The following LRP1B variants were observed in gnomAD, a reference collection of about 807,000 sequenced individuals.
The protein encoded by LRP1B is LDL receptor related protein 1B, also known as low-density lipoprotein receptor-related protein 1B.
Under a neutral mutation model 556.6 loss-of-function variants are expected in LRP1B, and 217 were observed. That is an observed-to-expected ratio of 0.39 (90% confidence interval 0.35 to 0.44). The LOEUF (loss-of-function observed/expected upper bound fraction) is 0.44, where lower values mean the gene tolerates loss of function less well. LRP1B is among the 20% of genes least tolerant of loss of function. LRP1B has a pLI of 1.00. For missense variants in LRP1B, 5,053 were observed against 5,620.8 expected (o/e 0.90, Z 3.23); for synonymous variants, 2,047 against 1,865.8 (o/e 1.10, Z -2.50).
intron 3 of LRP1B, among the ~76,000 whole-genome samples, chr2:141,423,820 T>A (rs1206895122): frequency 1.1e-5 from 1 of 94,274 alleles, no homozygotes; most frequent in East Asian, 4.2e-4. Context: ...TTTTTCCCTG[T>A]CTATTAAAAA....
intron 3 of LRP1B, among the ~76,000 whole-genome samples, chr2:141,418,673 C>A (rs182772412): frequency 6.6e-6 from 1 of 152,068 alleles, no homozygotes; most frequent in African/African-American, 2.4e-5. Context: ...AATGAAAGTA[C>A]TCCATCTTTG....
intron 3 of LRP1B, among the ~76,000 whole-genome samples, chr2:141,391,252 T>G (rs1221378947): frequency 6.6e-6 from 1 of 152,240 alleles, no homozygotes; most frequent in Non-Finnish European, 1.5e-5. Flanking sequence ...CATAGCCTAG[T>G]ACCTTCTACA....
chr2:140,428,343 C>T (rs2105278258), intron 66 of LRP1B, among the ~76,000 whole-genome samples: 1 of 152,200 alleles, frequency 6.6e-6, no homozygotes, highest in Non-Finnish European at 1.5e-5. Context: ...CTCCAGCACA[C>T]AAGAAATTCC....
intron 3 of LRP1B, among the ~76,000 whole-genome samples, chr2:141,375,376 A>T (rs538120949): frequency 1.2e-4 from 18 of 152,154 alleles, no homozygotes; most frequent in Admixed American, 9.2e-4. Flanking sequence ...CATGTTTGGA[A>T]GCTAGCAGTG....
rs1350092716 is a variant in LRP1B at position 140,791,648 on chromosome 2, C to T, written c.5360-15410G>A. On this transcript the variant is annotated intron_variant, in intron 32 of 90. Transcript: ENST00000389484. The stretch of plus-strand genomic sequence containing the variant: ...TTTTTTAGTAATTTTTTAATAACTT[C>T]TAGCCATTTCCAAAGGGGCCAGAAG... 4.6e-5 allele frequency among the ~76,000 whole-genome samples: 7 copies of T among 152,246 alleles called. No homozygotes were observed. In the South Asian group the frequency reaches 1.5e-3, roughly 32 times the overall value.
intron 1 of LRP1B, among the ~76,000 whole-genome samples, chr2:142,041,045 C>T (rs925334286): frequency 1.3e-5 from 2 of 151,446 alleles, no homozygotes; most frequent in Non-Finnish European, 3.0e-5. Context: ...TCGATTATCA[C>T]TTCTACTGAG....
intron 4 of LRP1B, among the ~76,000 whole-genome samples, chr2:141,251,191 C>A (rs1236952509): frequency 1.3e-5 from 2 of 151,978 alleles, no homozygotes; most frequent in Non-Finnish European, 2.9e-5. Flanking sequence ...AATATAGAAG[C>A]TCTGAAAAAC....
intron 7 of LRP1B, among the ~76,000 whole-genome samples, chr2:141,184,168 A>G (rs1323353960): frequency 6.6e-6 from 1 of 152,062 alleles, no homozygotes; most frequent in African/African-American, 2.4e-5. Context: ...CTACAATAGA[A>G]TTTTATTCTT....
At chr2:141,711,297 A>T (rs943005270) in intron 2 of LRP1B, among the ~76,000 whole-genome samples, 7 of 152,328 alleles carry the variant, frequency 4.6e-5, no homozygotes, top group East Asian at 1.9e-4. Context: ...TCTCCAGGGA[A>T]TATTGGAATT....
intron 43 of LRP1B, among the ~76,000 whole-genome samples, chr2:140,585,155 T>C (rs756114980): frequency 6.6e-6 from 1 of 152,150 alleles, no homozygotes; most frequent in Non-Finnish European, 1.5e-5. Context: ...ATGTGTGTAG[T>C]GAATGTAGTT....
At chr2:142,079,717 C>T (rs1387487110) in intron 1 of LRP1B, among the ~76,000 whole-genome samples, 1 of 152,042 alleles carries the variant, frequency 6.6e-6, no homozygotes. Flanking sequence ...ACCATGTTGC[C>T]CAGGCTGATC....
intron 41 of LRP1B, among the ~76,000 whole-genome samples, chr2:140,686,073 G>T (rs1384734582): frequency 6.6e-6 from 1 of 152,134 alleles, no homozygotes; most frequent in Non-Finnish European, 1.5e-5. Context: ...AGGCCATAAA[G>T]TCCTTTCCAT....
rs566433918 is a variant in LRP1B at position 140,618,895 on chromosome 2, G to A, written c.6800-17256C>T. Among the ~76,000 whole-genome samples, 118 of 152,022 alleles carry A rather than the reference G, an allele frequency of 7.8e-4. 1 individual carries two copies. The highest frequency in any genetic ancestry group is 2.7e-3 in the African/African-American group (113 of 41,488). On this transcript the variant is annotated intron_variant, in intron 41 of 90. Coordinates refer to ENST00000389484, the MANE Select transcript of LRP1B (RefSeq NM_018557.3). Reference sequence around the variant, plus strand: ...GAAGAAGGTATAATAATGTGGGTGGGGAAATAATTATTTTTTGTTCGTAAA... The same window carrying A: ...GAAGAAGGTATAATAATGTGGGTGGAGAAATAATTATTTTTTGTTCGTAAA...
At chr2:141,379,368 T>A (rs1469234024) in intron 3 of LRP1B, among the ~76,000 whole-genome samples, 1 of 152,050 alleles carries the variant, frequency 6.6e-6, no homozygotes, top group Non-Finnish European at 1.5e-5. Context: ...CTAGAAGAAA[T>A]GTTAAAGGGA....
intron 7 of LRP1B, among the ~76,000 whole-genome samples, chr2:141,063,801 T>C (rs1010654748): frequency 1.3e-5 from 2 of 151,964 alleles, no homozygotes; most frequent in Non-Finnish European, 2.9e-5. Flanking sequence ...ACAATGCCTC[T>C]TCTTTTATAT....
At chr2:142,002,497 TG>T (rs1277628864) in intron 1 of LRP1B, among the ~76,000 whole-genome samples, 1 of 151,618 alleles carries the variant, frequency 6.6e-6, no homozygotes, top group Admixed American at 6.6e-5. Flanking sequence ...TTTATTTCAC[TG>T]CTTGGTGTGA....
intron 60 of LRP1B, among the ~76,000 whole-genome samples, chr2:140,470,690 A>C (rs1040687500): frequency 6.6e-6 from 1 of 150,736 alleles, no homozygotes; most frequent in African/African-American, 2.4e-5. Flanking sequence ...AGATTCTGAA[A>C]GTATTGATTG....
chr2:141,691,485 C>T (rs1043620980), intron 2 of LRP1B, among the ~76,000 whole-genome samples: 2 of 151,298 alleles, frequency 1.3e-5, no homozygotes, highest in African/African-American at 4.9e-5. Context: ...CACACACACA[C>T]GTTGCAAGGC....
chr2:142,016,840 G>A (rs77487031), intron 1 of LRP1B, among the ~76,000 whole-genome samples: 1 of 137,404 alleles, frequency 7.3e-6, no homozygotes, highest in Non-Finnish European at 1.6e-5. Flanking sequence ...ATATTTATAT[G>A]TATATATGTA....
Sources: allele counts gnomAD v4.1 joint callset (sites outside exome capture counted in the v4.1 genomes callset), GRCh38; gene constraint gnomAD v4.1.1; transcripts MANE v1.5; gene names NCBI Gene and HGNC (gene_info 2026-07-23, HGNC 2026-07-21).